Variants in CYP20A1 observed in about 807,000 individuals in gnomAD.
CYP20A1 encodes cytochrome P450 family 20 subfamily A member 1, also known as cytochrome P450 20A1.
Under a neutral mutation model 61.4 loss-of-function variants are expected in CYP20A1, and 61 were observed. That is an observed-to-expected ratio of 0.99 (90% CI 0.81 to 1.23). The LOEUF (loss-of-function observed/expected upper bound fraction) is 1.23. CYP20A1 is among the 50% of genes most tolerant of loss of function. CYP20A1 has a pLI of 0.00. For missense variants in CYP20A1, 530 were observed against 542.4 expected (o/e 0.98, Z 0.23); for synonymous variants, 193 against 188.2 (o/e 1.03, Z -0.21).
At chr2:203,277,359 GA>G (rs368683522) in intron 6 of CYP20A1, among the ~76,000 whole-genome samples, 1 of 111,140 alleles carries the variant, frequency 9.0e-6, no homozygotes, top group Non-Finnish European at 2.0e-5. Flanking sequence ...AAAAAAAAAA[GA>G]AAAAGAAAAA....
chr2:203,263,215 CT>C (rs2067203280), intron 4 of CYP20A1, among the ~76,000 whole-genome samples: 1 of 151,170 alleles, frequency 6.6e-6, no homozygotes. Flanking sequence ...TCTCGAACTC[CT>C]GACCTCAGGT....
intron 4 of CYP20A1, among the ~76,000 whole-genome samples, chr2:203,258,006 A>ACAATTATAGC (rs2066988317): frequency 1.9e-5 from 1 of 52,554 alleles, no homozygotes. Context: ...GGCTGAAGGG[A>ACAATTATAGC]TCCTCCTGCC....
chr2:203,262,494 A>G (rs1379638798), intron 4 of CYP20A1, among the ~76,000 whole-genome samples: 2 of 151,998 alleles, frequency 1.3e-5, no homozygotes, highest in African/African-American at 4.8e-5. Context: ...TTTGTTTTCT[A>G]ATTTTGTTTA....
chr2:203,273,216 GA>G (rs1438446945), intron 6 of CYP20A1, among the ~76,000 whole-genome samples: 2 of 152,016 alleles, frequency 1.3e-5, no homozygotes, highest in Non-Finnish European at 2.9e-5. Context: ...CAGAAGCGAG[GA>G]AAAATAAGTT....
At chr2:203,241,040 GATA>G (rs2066236284) in intron 1 of CYP20A1, among the ~76,000 whole-genome samples, 1 of 152,246 alleles carries the variant, frequency 6.6e-6, no homozygotes, top group Non-Finnish European at 1.5e-5. Flanking sequence ...TAGTGGCACA[GATA>G]ATGAGAACTA....
At chr2:203,290,460 A>C (rs2068486265) in intron 10 of CYP20A1, among the ~76,000 whole-genome samples, 1 of 152,178 alleles carries the variant, frequency 6.6e-6, no homozygotes, top group Admixed American at 6.5e-5. Context: ...TATGTATAGA[A>C]ACACACATAT....
At chr2:203,281,467 C>G (rs2068038549) in intron 8 of CYP20A1, among the ~76,000 whole-genome samples, 1 of 152,088 alleles carries the variant, frequency 6.6e-6, no homozygotes, top group Non-Finnish European at 1.5e-5. Context: ...CATGATTGCA[C>G]CACTGGACTG....
In CYP20A1 at chr2:203,239,242, G is replaced by C. The variant is rs573438794; in HGVS notation, c.72+108G>C. On this transcript the variant is annotated intron_variant, in intron 1 of 12. Coordinates refer to ENST00000356079, the MANE Select transcript of CYP20A1 (RefSeq NM_177538.3). ...CGGGCCGCAGGGGGCGGGCCTGAGAGGAGGGTTCGGGTTCGCTCCAGAGCT... is the reference window on the plus strand; with the variant it reads ...CGGGCCGCAGGGGGCGGGCCTGAGACGAGGGTTCGGGTTCGCTCCAGAGCT... The C allele has an allele frequency of 1.4e-5, 13 of 931,476 alleles. 1 individual carries two copies. The South Asian group carries it at 1.8e-4, about 13-fold the overall frequency. 57.7% of individuals were successfully genotyped at this position (931,476 alleles called of 1,614,324 possible).
chr2:203,244,833 C>T (rs1309166766), intron 1 of CYP20A1, among the ~76,000 whole-genome samples: 5 of 150,406 alleles, frequency 3.3e-5, no homozygotes, highest in Non-Finnish European at 7.4e-5. Flanking sequence ...CCCAGGTTCA[C>T]GCCATTCTCC....
intron 2 of CYP20A1, 29 bp downstream of exon 2, chr2:203,245,924 A>G (rs1452991882): frequency 2.8e-6 from 4 of 1,410,320 alleles, no homozygotes; most frequent in Non-Finnish European, 4.0e-6. Context: ...GGAATTAAGT[A>G]GAGTTAATTC....
intron 4 of CYP20A1, among the ~76,000 whole-genome samples, chr2:203,261,605 T>A (rs202138557): frequency 1.3e-3 from 95 of 74,334 alleles, no homozygotes; most frequent in South Asian, 1.7e-3. Context: ...CTTTGTCACC[T>A]AAAAAAAAAA....
intron 6 of CYP20A1, among the ~76,000 whole-genome samples, chr2:203,276,241 A>G (rs1395145934): frequency 1.3e-5 from 2 of 152,228 alleles, no homozygotes; most frequent in Non-Finnish European, 2.9e-5. Context: ...GGAGCAGAAG[A>G]TGAGGTCAGA....
At chr2:203,282,317 G>A (rs1470966254) in intron 8 of CYP20A1, among the ~76,000 whole-genome samples, 2 of 151,926 alleles carry the variant, frequency 1.3e-5, no homozygotes, top group Non-Finnish European at 2.9e-5. Context: ...GAGCCACCAC[G>A]TCCTGCCTTA....
intron 8 of CYP20A1, among the ~76,000 whole-genome samples, chr2:203,280,355 C>T (rs2067993169): frequency 6.6e-6 from 1 of 152,116 alleles, no homozygotes; most frequent in Non-Finnish European, 1.5e-5. Flanking sequence ...ATGGAGGCTA[C>T]AGTGAACTGT....
chr2:203,271,054 G>GTATATGTA (rs2067555316), intron 5 of CYP20A1, among the ~76,000 whole-genome samples: 2 of 40,300 alleles, frequency 5.0e-5, no homozygotes, highest in East Asian at 9.4e-4. Context: ...ATGTATATGT[G>GTATATGTA]TATATATATA....
intron 1 of CYP20A1, among the ~76,000 whole-genome samples, chr2:203,244,080 C>T (rs1462825770): frequency 6.6e-6 from 1 of 152,076 alleles, no homozygotes; most frequent in Non-Finnish European, 1.5e-5. Context: ...TTCCACGTTA[C>T]CTCCTATTAC....
At chr2:203,251,888 C>A in intron 3 of CYP20A1, 79 bp from the exon 4 acceptor site, 1 of 1,146,822 alleles carries the variant, frequency 8.7e-7, no homozygotes, top group Non-Finnish European at 1.2e-6. Context: ...TTCTTTACCT[C>A]CCTGATCTCT....
intron 1 of CYP20A1, among the ~76,000 whole-genome samples, chr2:203,241,906 A>C (rs1173040932): frequency 6.6e-6 from 1 of 152,106 alleles, no homozygotes; most frequent in Non-Finnish European, 1.5e-5. Flanking sequence ...CAGTGGCATG[A>C]TCTCTGCTCA....
At chr2:203,249,770 G>GT (rs2066592176) in intron 3 of CYP20A1, among the ~76,000 whole-genome samples, 1 of 152,112 alleles carries the variant, frequency 6.6e-6, no homozygotes, top group South Asian at 2.1e-4. Context: ...GCTTGAACCT[G>GT]TGAGGTGGAG....
Sources: gnomAD v4.1 joint callset for allele counts (sites outside exome capture counted in the v4.1 genomes callset) on GRCh38, gnomAD v4.1.1 for gene constraint, MANE v1.5 for transcripts, NCBI Gene and HGNC (gene_info 2026-07-23, HGNC 2026-07-21) for gene names.